The following EVC2 variants were observed in gnomAD, a reference collection of about 807,000 sequenced individuals.
The protein encoded by EVC2 is limbin.
EVC2 carries 148 observed loss-of-function variants against 149.3 expected under a neutral mutation model. The observed-to-expected ratio is 0.99, with a 90% CI of 0.87 to 1.14. The LOEUF is 1.14. Among genes scored for constraint, EVC2 ranks in the 50% most tolerant of loss-of-function variants. The pLI is 0.00. For missense variants in EVC2, 1,854 were observed against 1,627.3 expected (o/e 1.14, Z -2.40); for synonymous variants, 776 against 649.9 (o/e 1.19, Z -2.95).
rs73198163 is a variant in EVC2 at position 5,625,103 on chromosome 4, C to A, written c.2046+646G>T. 6.6e-6 allele frequency among the ~76,000 whole-genome samples: 1 copy of A among 152,012 alleles called. No homozygotes were observed. The highest frequency in any genetic ancestry group is 1.5e-5 in the Non-Finnish European group (1 of 68,020). On this transcript the variant is annotated intron_variant, in intron 13 of 21. Transcript: ENST00000344408. The surrounding 1 kb of genome is among the most constrained non-coding windows in gnomAD (Gnocchi z 4.0). ...AATCACAGATCTGATGTCTCTCTCACCTCCGGAAGACCCTTCAACATTCCC... is the reference window on the plus strand; with the variant it reads ...AATCACAGATCTGATGTCTCTCTCAACTCCGGAAGACCCTTCAACATTCCC...
chr4:5,632,688 A>T (rs1382742751), intron 10 of EVC2, among the ~76,000 whole-genome samples: 1 of 152,218 alleles, frequency 6.6e-6, no homozygotes, highest in Non-Finnish European at 1.5e-5. Context: ...AGAGGTCTTT[A>T]GAAATGGCTG....
In EVC2 at chr4:5,563,633, C is replaced by T. The variant is rs528427906; in HGVS notation, c.3660-518G>A. 1.2e-4 allele frequency among the ~76,000 whole-genome samples: 19 copies of T among 152,238 alleles called. No homozygotes were observed. The South Asian group carries it at 3.9e-3, about 32-fold the overall frequency. ...GGGATTACAGGCATAAGCCACCAAA[C>T]CCGGCCCATTTTCAGGAGTTTTGCG... is the stretch of plus-strand genomic sequence containing the variant. On this transcript the variant is annotated intron_variant, in intron 21 of 21. Coordinates refer to ENST00000344408, the MANE Select transcript of EVC2 (RefSeq NM_147127.5).
At chr4:5,552,092 T>C (rs1721749635) in intron 21 of EVC2, among the ~76,000 whole-genome samples, 1 of 152,198 alleles carries the variant, frequency 6.6e-6, no homozygotes, top group South Asian at 2.1e-4. Context: ...CTTTCATTTG[T>C]TTAGCTATTT....
chr4:5,575,423 C>T (rs569824653), intron 18 of EVC2, among the ~76,000 whole-genome samples: 4 of 152,324 alleles, frequency 2.6e-5, no homozygotes, highest in African/African-American at 9.6e-5. Context: ...CCTCCAACCA[C>T]GCAGATGGGG....
intron 11 of EVC2, 104 bp from the exon 12 acceptor site, chr4:5,628,838 CAAGAA>C (rs1355984206): frequency 4.1e-6 from 5 of 1,217,866 alleles, no homozygotes; most frequent in East Asian, 2.5e-5. Flanking sequence ...AGAAAATACA[CAAGAA>C]AAGAAACATG....
downstream of EVC2, among the ~76,000 whole-genome samples, chr4:5,540,429 T>A (rs964731168): frequency 1.3e-5 from 2 of 152,234 alleles, no homozygotes; most frequent in African/African-American, 4.8e-5. Context: ...CCGACCCAGA[T>A]TTCCATCAAC....
At chr4:5,662,554 ATATAT>A (rs993872138) in intron 9 of EVC2, among the ~76,000 whole-genome samples, 2 of 119,630 alleles carry the variant, frequency 1.7e-5, no homozygotes, top group African/African-American at 6.3e-5. Flanking sequence ...TTAATATTAA[ATATAT>A]TAAATATAAT....
intron 9 of EVC2, among the ~76,000 whole-genome samples, chr4:5,647,865 T>C (rs1717838115): frequency 6.6e-6 from 1 of 151,834 alleles, no homozygotes; most frequent in African/African-American, 2.4e-5. Flanking sequence ...AGAAGAGGGG[T>C]CAGAGTTGGA....
At chr4:5,695,506 G>A (rs1006181438) in intron 2 of EVC2, among the ~76,000 whole-genome samples, 1 of 152,180 alleles carries the variant, frequency 6.6e-6, no homozygotes, top group African/African-American at 2.4e-5. Flanking sequence ...CAGTGGATGC[G>A]GCCCAGGTGC....
intron 19 of EVC2, 62 bp from the exon 20 acceptor site, chr4:5,568,702 T>C (rs1053495918): frequency 1.5e-5 from 23 of 1,509,054 alleles, no homozygotes; most frequent in Non-Finnish European, 2.1e-5. Flanking sequence ...CCATCATTTT[T>C]AATTTATCAC....
chr4:5,610,928 C>A (rs1362099898), intron 16 of EVC2, among the ~76,000 whole-genome samples: 2 of 151,636 alleles, frequency 1.3e-5, no homozygotes, highest in African/African-American at 2.4e-5. Flanking sequence ...CTTTGAGTTG[C>A]AAGAGTCACA....
intron 19 of EVC2, among the ~76,000 whole-genome samples, chr4:5,571,991 G>T (rs1203330278): frequency 6.6e-6 from 1 of 152,190 alleles, no homozygotes; most frequent in African/African-American, 2.4e-5. Flanking sequence ...TCTCCAGCCT[G>T]CAGGCCAACC....
At chr4:5,660,574 T>C in intron 9 of EVC2, among the ~76,000 whole-genome samples, 1 of 152,180 alleles carries the variant, frequency 6.6e-6, no homozygotes. Context: ...TTCAGTATGC[T>C]TTCAATTCTC....
At chr4:5,573,374 G>C (rs1722744465) in intron 19 of EVC2, among the ~76,000 whole-genome samples, 1 of 152,208 alleles carries the variant, frequency 6.6e-6, no homozygotes. Context: ...GTCAGAGAGA[G>C]ATGTGAGGAG....
intron 2 of EVC2, among the ~76,000 whole-genome samples, chr4:5,695,131 C>T (rs1317689724): frequency 1.3e-5 from 2 of 151,800 alleles, no homozygotes; most frequent in South Asian, 2.1e-4. Flanking sequence ...GGGCAGATCA[C>T]AAAGTCAAGA....
intron 16 of EVC2, among the ~76,000 whole-genome samples, chr4:5,612,948 A>AAAAAC (rs1553828350): frequency 7.0e-6 from 1 of 143,112 alleles, no homozygotes; most frequent in African/African-American, 2.9e-5. Flanking sequence ...AAAAAAAAAA[A>AAAAAC]AGAAATAATT....
At chr4:5,610,030 G>C (rs1422489323) in intron 16 of EVC2, among the ~76,000 whole-genome samples, 1 of 152,160 alleles carries the variant, frequency 6.6e-6, no homozygotes, top group Admixed American at 6.5e-5. Context: ...AAGACCAGTC[G>C]TGACCCTGGA....
At chr4:5,685,157 G>C (rs1022622573) in intron 6 of EVC2, among the ~76,000 whole-genome samples, 1 of 152,202 alleles carries the variant, frequency 6.6e-6, no homozygotes, top group African/African-American at 2.4e-5. Context: ...GCCCAGAGGG[G>C]TTAAGTAACT....
chr4:5,529,248 C>T, the EVC2 span, among the ~76,000 whole-genome samples: 1 of 152,090 alleles, frequency 6.6e-6, no homozygotes, highest in African/African-American at 2.4e-5. The surrounding 1 kb of genome is among the most constrained non-coding windows in gnomAD (Gnocchi z 4.5). Flanking sequence ...CATATGGCTA[C>T]CCACCTCAGG....
Sources: allele counts gnomAD v4.1 joint callset (sites outside exome capture counted in the v4.1 genomes callset), GRCh38; gene constraint gnomAD v4.1.1; non-coding constraint Gnocchi (gnomAD v3.1); transcripts MANE v1.5; gene names NCBI Gene and HGNC (gene_info 2026-07-23, HGNC 2026-07-21).